SMC5: variants seen among roughly 807,000 people sequenced by gnomAD.
SMC5 encodes the protein structural maintenance of chromosomes 5, also known as structural maintenance of chromosomes protein 5.
SMC5 carries 88 observed loss-of-function variants against 148.3 expected under a neutral mutation model. That is an observed-to-expected ratio of 0.59 (90% CI 0.50 to 0.71). The LOEUF (loss-of-function observed/expected upper bound fraction) is 0.71. Among genes scored for constraint, SMC5 ranks in the 30% least tolerant of loss-of-function variants. SMC5 has a pLI of 0.00. For missense variants in SMC5, 1,142 were observed against 1,298.9 expected (o/e 0.88, Z 1.86); for synonymous variants, 421 against 432.8 (o/e 0.97, Z 0.34).
chr9:70,278,480 T>C lies in SMC5; in HGVS notation c.544-11T>C. 2 of 1,599,558 alleles carry C rather than the reference T, an allele frequency of 1.3e-6. No individual in the cohort carries two copies. Among genetic ancestry groups the C allele is most frequent in the Non-Finnish European group, 1.7e-6 (2 of 1,176,394 alleles). ...AATGATAGTTGCTGATATTTAATTT[T>C]TGTGCTCTAGGACAAAGTTGGAGAA... On this transcript the variant is annotated splice_polypyrimidine_tract_variant and intron_variant, in intron 4 of 24. Coordinates refer to ENST00000361138, the MANE Select transcript of SMC5 (RefSeq NM_015110.4).
intron 17 of SMC5, among the ~76,000 whole-genome samples, chr9:70,327,897 G>A (rs188401138): frequency 3.1e-4 from 47 of 152,216 alleles, no homozygotes; most frequent in Middle Eastern, 3.4e-3. Context: ...TATAGGAAGC[G>A]TGGCTGGGAG....
intron 17 of SMC5, among the ~76,000 whole-genome samples, chr9:70,341,762 G>C (rs2036529504): frequency 6.6e-6 from 1 of 152,148 alleles, no homozygotes; most frequent in South Asian, 2.1e-4. Context: ...AGGATGTGGA[G>C]AAATAGGAAC....
chr9:70,290,927 T>C (rs2035040644), intron 8 of SMC5, among the ~76,000 whole-genome samples: 1 of 152,174 alleles, frequency 6.6e-6, no homozygotes, highest in African/African-American at 2.4e-5. Flanking sequence ...TCAGGTACTT[T>C]TTCTGTTGAC....
chr9:70,265,148 T>A (rs1212604822), intron 2 of SMC5, among the ~76,000 whole-genome samples: 1 of 151,786 alleles, frequency 6.6e-6, no homozygotes, highest in Non-Finnish European at 1.5e-5. Flanking sequence ...GAGGAGGAGA[T>A]AAGAAACAGA....
chr9:70,351,897 G>A (rs1397188847), intron 24 of SMC5, among the ~76,000 whole-genome samples: 2 of 152,052 alleles, frequency 1.3e-5, no homozygotes, highest in Admixed American at 6.6e-5. Flanking sequence ...CCAACATGGT[G>A]AAACCCTGTC....
Position 70,352,349 on chromosome 9 carries a change from A to C in SMC5, c.*18A>C. 2.5e-6 allele frequency: 4 copies of C among 1,569,880 alleles called. No individual in the cohort carries two copies. The South Asian group carries it at 3.6e-5, about 14-fold the overall frequency. ...CTTCTTAATAAAAGTAAAGAGAGGG[A>C]ACTTGGGAATTTTTTTTGTTAAATT... On this transcript the variant is annotated 3_prime_UTR_variant, in exon 25 of 25. Coordinates refer to ENST00000361138, the MANE Select transcript of SMC5 (RefSeq NM_015110.4).
chr9:70,348,350 G>A (rs1019466553), intron 22 of SMC5, among the ~76,000 whole-genome samples: 3 of 151,914 alleles, frequency 2.0e-5, no homozygotes, highest in Middle Eastern at 3.4e-3. Flanking sequence ...AAACAGATTA[G>A]TTTGAAATAT....
chr9:70,299,780 T>G (rs1185305668), intron 9 of SMC5, among the ~76,000 whole-genome samples: 1 of 149,852 alleles, frequency 6.7e-6, no homozygotes, highest in Non-Finnish European at 1.5e-5. Context: ...GTTTTCCTTG[T>G]GGGTTTTTTT....
At chr9:70,277,282 A>C in intron 3 of SMC5, 28 bp from the exon 4 acceptor site, 1 of 1,429,406 alleles carries the variant, frequency 7.0e-7, no homozygotes, top group Non-Finnish European at 9.2e-7. Flanking sequence ...TTTTGAATAT[A>C]AAGATTCTTA....
At chr9:70,301,119 T>C (rs1445411251) in intron 10 of SMC5, among the ~76,000 whole-genome samples, 2 of 152,172 alleles carry the variant, frequency 1.3e-5, no homozygotes, top group African/African-American at 4.8e-5. Context: ...GAAGAGAATT[T>C]CTATTTTAGA....
At chr9:70,350,711 T>C (rs554632654) in intron 24 of SMC5, among the ~76,000 whole-genome samples, 1 of 152,170 alleles carries the variant, frequency 6.6e-6, no homozygotes, top group Non-Finnish European at 1.5e-5. Context: ...ATTTCTCTTC[T>C]AGAAAAGGTA....
chr9:70,300,859 C>T (rs2035340571), intron 10 of SMC5, among the ~76,000 whole-genome samples: 1 of 152,118 alleles, frequency 6.6e-6, no homozygotes, highest in African/African-American at 2.4e-5. Flanking sequence ...TATGTTAGAG[C>T]AAACTTAAAG....
At chr9:70,330,114 A>G (rs1387177876) in intron 17 of SMC5, among the ~76,000 whole-genome samples, 1 of 152,220 alleles carries the variant, frequency 6.6e-6, no homozygotes, top group African/African-American at 2.4e-5. Flanking sequence ...GGGTTGGGAC[A>G]CAGAGCCAAA....
At chr9:70,326,664 T>G (rs1375964493) in intron 17 of SMC5, among the ~76,000 whole-genome samples, 1 of 150,108 alleles carries the variant, frequency 6.7e-6, no homozygotes, top group Non-Finnish European at 1.5e-5. Context: ...AAAGCTACAC[T>G]CATCTAAATA....
At chr9:70,295,470 CAA>C (rs767989666) in intron 8 of SMC5, among the ~76,000 whole-genome samples, 52 of 81,364 alleles carry the variant, frequency 6.4e-4, no homozygotes, top group Admixed American at 1.4e-3. Context: ...GACCCTGTCT[CAA>C]AAAAAAAAAA....
chr9:70,342,665 G>A (rs746579247), intron 17 of SMC5, among the ~76,000 whole-genome samples: 4 of 152,028 alleles, frequency 2.6e-5, no homozygotes, highest in Admixed American at 1.3e-4. Flanking sequence ...ATCATAATTG[G>A]GATTAGAACA....
intron 22 of SMC5, among the ~76,000 whole-genome samples, chr9:70,348,379 T>C (rs1042889102): frequency 6.6e-6 from 1 of 152,058 alleles, no homozygotes; most frequent in African/African-American, 2.4e-5. Flanking sequence ...TCAGTGTCTT[T>C]TTTTTTTTAA....
chr9:70,326,120 A>T (rs2036069608), intron 17 of SMC5, among the ~76,000 whole-genome samples: 1 of 152,208 alleles, frequency 6.6e-6, no homozygotes, highest in African/African-American at 2.4e-5. Flanking sequence ...AATGGATATA[A>T]TTCACCTATG....
At chr9:70,294,915 A>G (rs1397727697) in intron 8 of SMC5, among the ~76,000 whole-genome samples, 1 of 152,168 alleles carries the variant, frequency 6.6e-6, no homozygotes, top group African/African-American at 2.4e-5. Flanking sequence ...CCCTGAATGG[A>G]TAAGGTTGGG....
Sources: allele counts gnomAD v4.1 joint callset (sites outside exome capture counted in the v4.1 genomes callset), GRCh38; gene constraint gnomAD v4.1.1; transcripts MANE v1.5; gene names NCBI Gene and HGNC (gene_info 2026-07-23, HGNC 2026-07-21).